The following HIPK2 variants were observed in gnomAD, a reference collection of about 807,000 sequenced individuals.
HIPK2 encodes homeodomain-interacting protein kinase 2.
In HIPK2, 27 loss-of-function variants were observed where a neutral mutation model predicts 113.7. The observed-to-expected ratio is 0.24, with a 90% CI of 0.17 to 0.33. The LOEUF is 0.33. Among genes scored for constraint, HIPK2 ranks in the 10% least tolerant of loss-of-function variants. HIPK2 has a pLI of 1.00. For synonymous variants in HIPK2, 631 were observed against 642.2 expected, an observed-to-expected ratio of 0.98 and a Z score of 0.26; for missense variants, 1,257 against 1,588.0, an observed-to-expected ratio of 0.79 and a Z score of 3.54.
intron 2 of HIPK2, among the ~76,000 whole-genome samples, chr7:139,633,114 AAAAAAG>A (rs61176937): frequency 0.087 from 12,034 of 137,766 alleles, 377 homozygotes; most frequent in African/African-American, 0.15. Context: ...AAAAAAAAAA[AAAAAAG>A]AAAGAAAGTA....
intron 1 of HIPK2, among the ~76,000 whole-genome samples, chr7:139,751,127 T>A (rs1796271198): frequency 6.6e-6 from 1 of 152,170 alleles, no homozygotes; most frequent in South Asian, 2.1e-4. Flanking sequence ...CAAGGTGAAT[T>A]ACAAATAATC....
At chr7:139,575,486 T>C (rs1470110475) in intron 13 of HIPK2, among the ~76,000 whole-genome samples, 198 bp from the exon 14 acceptor site, 2 of 152,116 alleles carry the variant, frequency 1.3e-5, no homozygotes, top group Non-Finnish European at 2.9e-5. Context: ...GCTCACTCCC[T>C]CGGCTGGGAG....
At chr7:139,604,245 C>A in intron 9 of HIPK2, 22 bp from the exon 10 acceptor site, 1 of 1,589,184 alleles carries the variant, frequency 6.3e-7, no homozygotes, top group Non-Finnish European at 8.6e-7. Flanking sequence ...AGGACATGTG[C>A]AATGACCATG....
intron 6 of HIPK2, among the ~76,000 whole-genome samples, chr7:139,622,382 T>G (rs1800265502): frequency 6.6e-6 from 1 of 152,240 alleles, no homozygotes. Context: ...CAAGGTCTTG[T>G]GCGTGGAGGC....
chr7:139,669,174 G>C (rs1016930148), intron 2 of HIPK2, among the ~76,000 whole-genome samples: 1 of 152,168 alleles, frequency 6.6e-6, no homozygotes, highest in Non-Finnish European at 1.5e-5. Context: ...CTTTTGGGAA[G>C]AATCACAGAG....
At chr7:139,637,935 G>A (rs1466683421) in intron 2 of HIPK2, among the ~76,000 whole-genome samples, 3 of 152,146 alleles carry the variant, frequency 2.0e-5, no homozygotes, top group Non-Finnish European at 2.9e-5. Context: ...CAGACAGCAG[G>A]AGTGCCAAGG....
intron 11 of HIPK2, 115 bp downstream of exon 11, chr7:139,600,302 C>T: frequency 8.3e-7 from 1 of 1,201,428 alleles, no homozygotes. Context: ...GGAGTGCCCC[C>T]ATCCCATGCA....
At chr7:139,693,721 GA>G (rs34589503) in intron 2 of HIPK2, among the ~76,000 whole-genome samples, 54,781 of 138,328 alleles carry the variant, frequency 0.4, 10,610 homozygotes, top group Non-Finnish European at 0.47. Flanking sequence ...TTTTTGTCCA[GA>G]AAAAAAAAAA....
intron 2 of HIPK2, among the ~76,000 whole-genome samples, chr7:139,703,406 T>C (rs1377960237): frequency 1.3e-5 from 2 of 152,088 alleles, no homozygotes; most frequent in African/African-American, 4.8e-5. Flanking sequence ...TGCATTTTAT[T>C]TGCCAATGTA....
intron 2 of HIPK2, among the ~76,000 whole-genome samples, chr7:139,706,661 A>G (rs1354733398): frequency 3.9e-5 from 6 of 152,202 alleles, no homozygotes; most frequent in African/African-American, 1.4e-4. Context: ...TCTATCTCAG[A>G]GCCCAGCCTG....
Position 139,566,317 on chromosome 7 carries a change from A to G in HIPK2, c.*6610T>C, listed in dbSNP as rs1281700173. ...AGGTTCAAGCCCTCCTCGCCCCTCAAGAGTTGTGTGGCTCTGGGCAGTTTC... is the reference window on the plus strand; with the variant it reads ...AGGTTCAAGCCCTCCTCGCCCCTCAGGAGTTGTGTGGCTCTGGGCAGTTTC... On this transcript the variant is annotated 3_prime_UTR_variant, in exon 15 of 15. Transcript: ENST00000406875. This position sits in a 1 kb window ranked among gnomAD's most constrained non-coding sequence, Gnocchi z 4.1. The G allele has an allele frequency of 2.0e-5, 3 of 152,158 alleles. No individual in the cohort carries two copies. Among genetic ancestry groups the G allele is most frequent in the African/African-American group, 4.8e-5 (2 of 41,420 alleles). The allele number at this position is 152,158 out of a possible 1,614,324, so 9.4% of individuals were successfully genotyped here.
chr7:139,695,531 G>A (rs1420570207), intron 2 of HIPK2, among the ~76,000 whole-genome samples: 3 of 152,204 alleles, frequency 2.0e-5, no homozygotes, highest in African/African-American at 7.2e-5. Flanking sequence ...ATATATTTAA[G>A]CTTGAGGACA....
chr7:139,566,097 TA>T lies in HIPK2; in HGVS notation c.*6829del, dbSNP rs1798083556. On this transcript the variant is annotated 3_prime_UTR_variant, in exon 15 of 15. Coordinates refer to ENST00000406875, the MANE Select transcript of HIPK2 (RefSeq NM_022740.5). The surrounding 1 kb of genome is among the most constrained non-coding windows in gnomAD (Gnocchi z 4.1). The stretch of plus-strand genomic sequence containing the variant: ...AAAGAAACTCTCCAGAGATTTTCTC[TA>T]AAAATCAAACGAATTCTGCCCCTTT... 6.6e-6 allele frequency: 1 copy of T among 152,218 alleles called. No individual in the cohort carries two copies. The highest frequency in any genetic ancestry group is 2.4e-5 in the African/African-American group (1 of 41,454). The allele number at this position is 152,218 out of a possible 1,614,324, so 9.4% of individuals were successfully genotyped here.
chr7:139,633,339 A>G (rs1800688499), intron 2 of HIPK2, among the ~76,000 whole-genome samples: 1 of 152,058 alleles, frequency 6.6e-6, no homozygotes, highest in Admixed American at 6.5e-5. Flanking sequence ...GCGATCAGAA[A>G]CACCCCCACT....
chr7:139,652,870 C>T (rs1304510264), intron 2 of HIPK2, among the ~76,000 whole-genome samples: 2 of 152,048 alleles, frequency 1.3e-5, no homozygotes, highest in African/African-American at 2.4e-5. Flanking sequence ...AGGGCCGGCA[C>T]GGTGGCTCAC....
At chr7:139,626,826 C>G in intron 5 of HIPK2, 41 bp from the exon 6 acceptor site, 1 of 1,607,766 alleles carries the variant, frequency 6.2e-7, no homozygotes, top group African/African-American at 1.3e-5. Flanking sequence ...AAGACCCCAG[C>G]GTGCCTCCCC....
Position 139,583,920 on chromosome 7 carries a change from C to T in HIPK2, c.2862G>A (p.Gly954=), listed in dbSNP as rs1798751984. Residue 954 remains glycine, a synonymous_variant, in exon 13 of 15, where the codon GGG becomes GGA. Transcript: ENST00000406875. ...HNNANAFDTK[G]SLENHCTGNP... ...TCCCCGTGCAGTGATTCTCCAGGCT[C>T]CCCTTGGTGTCAAAGGCATTGGCAT... The T allele has an allele frequency of 6.2e-7, 1 of 1,613,998 alleles. No homozygotes were observed. The highest frequency in any genetic ancestry group is 8.5e-7 in the Non-Finnish European group (1 of 1,179,894).
At chr7:139,708,225 G>C (rs1032497333) in intron 2 of HIPK2, among the ~76,000 whole-genome samples, 2 of 152,094 alleles carry the variant, frequency 1.3e-5, no homozygotes, top group Non-Finnish European at 2.9e-5. Flanking sequence ...TAAATAAAGA[G>C]GGCAGGAGGA....
intron 12 of HIPK2, 60 bp downstream of exon 12, chr7:139,596,657 C>T: frequency 6.3e-7 from 1 of 1,575,052 alleles, no homozygotes; most frequent in Non-Finnish European, 8.7e-7. Flanking sequence ...ATGGTCAGAT[C>T]TGCACACAAT....
Sources: gnomAD v4.1 joint callset for allele counts (sites outside exome capture counted in the v4.1 genomes callset) on GRCh38, gnomAD v4.1.1 for gene constraint, Gnocchi (gnomAD v3.1) non-coding constraint, MANE v1.5 for transcripts, NCBI Gene and HGNC (gene_info 2026-07-23, HGNC 2026-07-21) for gene names.